Variants in SPAG6 observed in about 807,000 individuals in gnomAD.
SPAG6 encodes sperm-associated antigen 6.
A neutral mutation model predicts 58.5 loss-of-function variants in SPAG6; 49 were observed. The ratio of observed to expected loss-of-function variants is 0.84; its 90% CI spans 0.67 to 1.06. The LOEUF (loss-of-function observed/expected upper bound fraction) is 1.06. Ranked by LOEUF, SPAG6 falls within the 50% of genes least tolerant of loss-of-function variation. The probability of loss-of-function intolerance (pLI) is 0.00; values close to 1 mark genes in which losing one functional copy is unlikely to be tolerated. For synonymous variants in SPAG6, 233 were observed against 225.6 expected, an observed-to-expected ratio of 1.03 and a Z score of -0.29; for missense variants, 560 against 611.3, an observed-to-expected ratio of 0.92 and a Z score of 0.89.
chr10:22,376,966 G>A (rs1183963939), intron 4 of SPAG6, among the ~76,000 whole-genome samples: 1 of 151,898 alleles, frequency 6.6e-6, no homozygotes, highest in African/African-American at 2.4e-5. Context: ...CTACTTGGGA[G>A]GATGAGGAGG....
At position 22,389,183 on chromosome 10, in the gene SPAG6, A is replaced by G. The variant is rs989932742; in HGVS notation, c.876A>G (p.Ala292=). Residue 292 remains alanine (A), a synonymous_variant, in exon 7 of 11, where the codon GCA becomes GCG. Transcript: ENST00000376624. ...AGCTTTCACAGCTGGTAGTTAACGC[A>G]GGAGGGGTTGCTGCCGTGATTGACT... ...TPELSQLVVN[A]GGVAAVIDCI... 4 of 1,613,362 alleles carry G rather than the reference A, an allele frequency of 2.5e-6. No homozygotes were observed. The highest frequency in any genetic ancestry group is 2.7e-5 in the African/African-American group (2 of 74,870).
chr10:22,376,614 C>T (rs530504397), intron 4 of SPAG6, among the ~76,000 whole-genome samples: 1 of 152,096 alleles, frequency 6.6e-6, no homozygotes, highest in African/African-American at 2.4e-5. Flanking sequence ...TACATACATG[C>T]ATGTGCGTAT....
chr10:22,403,469 A>T (rs1172561530), intron 9 of SPAG6, among the ~76,000 whole-genome samples: 1 of 152,232 alleles, frequency 6.6e-6, no homozygotes, highest in Non-Finnish European at 1.5e-5. Flanking sequence ...TGAACTCATC[A>T]TTTTTTATGG....
intron 9 of SPAG6, among the ~76,000 whole-genome samples, chr10:22,401,919 G>C (rs994048756): frequency 7.9e-5 from 12 of 152,276 alleles, no homozygotes; most frequent in Non-Finnish European, 1.3e-4. Context: ...GTGACCCTAA[G>C]CTATCAAGAG....
At chr10:22,409,867 A>T (rs1473882483) in intron 9 of SPAG6, among the ~76,000 whole-genome samples, 1 of 152,072 alleles carries the variant, frequency 6.6e-6, no homozygotes, top group African/African-American at 2.4e-5. Flanking sequence ...AGTCTCCCTG[A>T]TCCTAAGATC....
Position 22,367,361 on chromosome 10 carries a change from A to G in SPAG6, c.289-1134A>G, listed in dbSNP as rs192514035. Among the ~76,000 whole-genome samples the G allele has an allele frequency of 1.7e-3, 255 of 152,276 alleles. 1 individual carries two copies. Among genetic ancestry groups the G allele is most frequent in the Non-Finnish European group, 2.7e-3 (184 of 68,000 alleles). ...TTAAGAAACTAAAGAAAATATGTCA[A>G]ATCAAAAACATCAGTACTAATATAG... On this transcript the variant is annotated intron_variant, in intron 3 of 10. Transcript: ENST00000376624.
At position 22,348,002 on chromosome 10, in the gene SPAG6, C is replaced by CTTTCTTTCTTT. The variant is rs149307597; in HGVS notation, c.121+2191_121+2192insCTTTTTTCTTT. Among the ~76,000 whole-genome samples, 342 of 151,874 alleles carry CTTTCTTTCTTT rather than the reference C, an allele frequency of 2.3e-3. 1 individual carries two copies. Among genetic ancestry groups the CTTTCTTTCTTT allele is most frequent in the African/African-American group, 7.2e-3 (297 of 41,234 alleles). The stretch of plus-strand genomic sequence containing the variant: ...AACTTTGTTATGAAAACTTTTCTTT[C>CTTTCTTTCTTT]TTTCTTTGAGACAGAGTCTTGCTCT... On this transcript the variant is annotated intron_variant, in intron 2 of 10. Transcript: ENST00000376624.
chr10:22,365,637 G>C (rs183106249), intron 3 of SPAG6, among the ~76,000 whole-genome samples: 1 of 152,192 alleles, frequency 6.6e-6, no homozygotes. Context: ...GTTTTGGACT[G>C]TTCATTCTAT....
intron 8 of SPAG6, among the ~76,000 whole-genome samples, chr10:22,398,454 A>T (rs944303437): frequency 2.6e-5 from 4 of 152,236 alleles, no homozygotes; most frequent in Non-Finnish European, 5.9e-5. Context: ...AAGCCTGGGC[A>T]CATGGCTTAT....
intron 2 of SPAG6, among the ~76,000 whole-genome samples, chr10:22,346,479 T>TTCTTCTTCTTCTTCTTCC (rs1564357284): frequency 2.1e-5 from 3 of 141,502 alleles, no homozygotes; most frequent in African/African-American, 6.2e-5. Context: ...CTTCTTCTTC[T>TTCTTCTTCTTCTTCTTCC]TCTTCTTCTT....
chr10:22,390,136 C>A (rs942418654), intron 7 of SPAG6, among the ~76,000 whole-genome samples: 4 of 152,154 alleles, frequency 2.6e-5, no homozygotes, highest in African/African-American at 9.7e-5. Flanking sequence ...CTACCTATTT[C>A]TTGATAATTC....
At position 22,389,276 on chromosome 10, in the gene SPAG6, T is replaced by C; in HGVS notation, c.969T>C (p.His323=). The C allele has an allele frequency of 8.1e-6, 13 of 1,612,626 alleles. No homozygotes were observed. The highest frequency in any genetic ancestry group is 1.1e-5 in the Non-Finnish European group (13 of 1,179,690). ...GIMMLGYVAA[H]SENLAMAVII... ...TGATGCTTGGTTATGTAGCAGCTCA[T>C]TCTGAGAACCTAGCAATGGCAGTCA... is the stretch of plus-strand genomic sequence containing the variant. The change falls in exon 7 of 11, where the codon CAT becomes CAC. Residue 323 remains histidine, a synonymous_variant. Coordinates refer to ENST00000376624, the MANE Select transcript of SPAG6 (RefSeq NM_012443.4).
chr10:22,368,699 G>A (rs375100909), intron 4 of SPAG6, 21 bp downstream of exon 4: 78 of 1,571,272 alleles, frequency 5.0e-5, no homozygotes, highest in Middle Eastern at 1.9e-4. Flanking sequence ...ATATGCAGGA[G>A]CATATTTTAA....
chr10:22,384,986 G>T (rs2100133746), intron 4 of SPAG6, among the ~76,000 whole-genome samples: 1 of 151,800 alleles, frequency 6.6e-6, no homozygotes, highest in Non-Finnish European at 1.5e-5. Context: ...GTAGAAACTG[G>T]ATATAAAAGT....
chr10:22,409,971 T>C (rs1356961279), intron 9 of SPAG6, among the ~76,000 whole-genome samples: 1 of 152,214 alleles, frequency 6.6e-6, no homozygotes, highest in Non-Finnish European at 1.5e-5. Context: ...TTGCCTTGAC[T>C]TCCTTACTTG....
intron 4 of SPAG6, among the ~76,000 whole-genome samples, chr10:22,386,168 T>C (rs1040627013): frequency 1.4e-4 from 22 of 152,162 alleles, no homozygotes; most frequent in Admixed American, 5.2e-4. Flanking sequence ...AGTTTATTGA[T>C]TAGTAGTAGG....
chr10:22,412,513 A>G, intron 10 of SPAG6: 1 of 1,497,484 alleles, frequency 6.7e-7, no homozygotes, highest in Non-Finnish European at 9.0e-7. Context: ...TGACCAAAAG[A>G]GTTCCAATAG....
rs1220746464 is a variant in SPAG6 at position 22,381,565 on chromosome 10, C to T, written c.473-5189C>T. ...GGCTTCATTTATTTTAGTTACTTTC[C>T]CGGGCCCTGTGGGCATTTGCATTGA... On this transcript the variant is annotated intron_variant, in intron 4 of 10. Transcript: ENST00000376624. Among the ~76,000 whole-genome samples, 4 of 151,270 alleles carry T rather than the reference C, an allele frequency of 2.6e-5. No homozygotes were observed. The South Asian group carries it at 8.3e-4, about 31-fold the overall frequency.
rs761591765 is a variant in SPAG6 at position 22,368,507 on chromosome 10, A to G, written c.301A>G (p.Lys101Glu). 1 of 1,613,590 alleles carries G rather than the reference A, an allele frequency of 6.2e-7. No homozygotes were observed. The highest frequency in any genetic ancestry group is 8.5e-7 in the Non-Finnish European group (1 of 1,179,776). The change falls in exon 4 of 11, where the codon AAA (lysine) becomes GAA (glutamate). Residue 101 changes from lysine to glutamate, a missense_variant. Lys to Glu is a moderately conservative substitution (Grantham distance 56). Transcript: ENST00000376624. ...SLAEQNRFYKKAAAFVLRAVG... is the reference protein window; with the variant it reads ...SLAEQNRFYKEAAAFVLRAVG... ...TTGACCCTTGTAGCGCTTCTACAAG[A>G]AAGCAGCTGCCTTTGTGTTACGAGC...
Sources: gnomAD v4.1 joint callset for allele counts (sites outside exome capture counted in the v4.1 genomes callset) on GRCh38, gnomAD v4.1.1 for gene constraint, MANE v1.5 for transcripts, NCBI Gene and HGNC (gene_info 2026-07-23, HGNC 2026-07-21) for gene names.